Variants in FREM1 observed in about 807,000 individuals in gnomAD.
FREM1 encodes the protein FRAS1-related extracellular matrix protein 1.
In FREM1, 220 loss-of-function variants were observed where a neutral mutation model predicts 210.1. The ratio of observed to expected loss-of-function variants is 1.05; its 90% CI spans 0.94 to 1.17. The LOEUF is 1.17. Ranked by LOEUF, FREM1 falls within the 50% of genes most tolerant of loss-of-function variation. FREM1 has a pLI of 0.00. For synonymous variants in FREM1, 1,189 were observed against 980.2 expected (o/e 1.21, Z -3.98); for missense variants, 3,454 against 2,675.5 (o/e 1.29, Z -6.42).
intron 10 of FREM1, among the ~76,000 whole-genome samples, chr9:14,826,391 C>T (rs1822465972): frequency 6.6e-6 from 1 of 152,132 alleles, no homozygotes; most frequent in African/African-American, 2.4e-5. Context: ...CACCCAGCCA[C>T]CTTTCAACAT....
At chr9:14,788,849 A>G in intron 23 of FREM1, 70 bp downstream of exon 23, 1 of 1,179,098 alleles carries the variant, frequency 8.5e-7, no homozygotes, top group Non-Finnish European at 1.2e-6. Context: ...AGAGAGAAAG[A>G]AACGAATGTG....
At chr9:14,774,278 T>C (rs1848139396) in intron 25 of FREM1, 1 of 429,586 alleles carries the variant, frequency 2.3e-6, no homozygotes. Flanking sequence ...ACATTTTGAG[T>C]AAAGAGATCA....
At chr9:14,874,683 G>C (rs1833358336) in intron 1 of FREM1, among the ~76,000 whole-genome samples, 1 of 152,016 alleles carries the variant, frequency 6.6e-6, no homozygotes, top group Admixed American at 6.5e-5. Flanking sequence ...ACTTAATATT[G>C]TTATATGTGA....
rs182088579 is a variant in FREM1, at chr9:14,821,533, A to G, written c.2337+1627T>C. 3.2e-3 allele frequency among the ~76,000 whole-genome samples: 489 copies of G among 152,344 alleles called. 2 individuals carry two copies. The highest frequency in any genetic ancestry group is 0.011 in the African/African-American group (475 of 41,578). On this transcript the variant is annotated intron_variant, in intron 13 of 36. Coordinates refer to ENST00000380880, the MANE Select transcript of FREM1 (RefSeq NM_001379081.2). ...TCATACATAGAAAAGAATGGTCTGA[A>G]TAAAATCTAATCAAGTTGACTCCAT...
chr9:14,804,467 C>A (rs1179678424), intron 19 of FREM1, among the ~76,000 whole-genome samples: 1 of 152,164 alleles, frequency 6.6e-6, no homozygotes, highest in African/African-American at 2.4e-5. Context: ...CACCTGCAGT[C>A]CCAGCTACTC....
chr9:14,796,618 T>C (rs1852444574), intron 21 of FREM1, among the ~76,000 whole-genome samples: 1 of 152,160 alleles, frequency 6.6e-6, no homozygotes, highest in Non-Finnish European at 1.5e-5. Flanking sequence ...TAGAGATAAT[T>C]GAATCGTGGG....
At chr9:14,830,381 C>A (rs1318245975) in intron 10 of FREM1, among the ~76,000 whole-genome samples, 1 of 152,104 alleles carries the variant, frequency 6.6e-6, no homozygotes, top group African/African-American at 2.4e-5. Flanking sequence ...AAGAGCCCAG[C>A]AATTGATTTG....
chr9:14,832,612 C>CA (rs1306241892), intron 10 of FREM1, among the ~76,000 whole-genome samples: 1 of 152,068 alleles, frequency 6.6e-6, no homozygotes, highest in Non-Finnish European at 1.5e-5. Flanking sequence ...AATGTTCTTC[C>CA]AACCTGGGAA....
chr9:14,790,094 C>A (rs10756612), intron 22 of FREM1, among the ~76,000 whole-genome samples: 19,494 of 152,032 alleles, frequency 0.13, 1,652 homozygotes, highest in East Asian at 0.23. Flanking sequence ...AAGACTTTGC[C>A]CATCTGAACC....
intron 16 of FREM1, among the ~76,000 whole-genome samples, chr9:14,812,308 C>T (rs1453111852): frequency 1.3e-5 from 2 of 152,174 alleles, no homozygotes; most frequent in Admixed American, 6.5e-5. Flanking sequence ...TACATCTAAC[C>T]TGTGTTCACG....
intron 28 of FREM1, among the ~76,000 whole-genome samples, chr9:14,758,254 G>C (rs1024068577): frequency 6.6e-6 from 1 of 152,202 alleles, no homozygotes; most frequent in South Asian, 2.1e-4. Flanking sequence ...TGGCACGTTT[G>C]TTGTGCACTT....
intron 16 of FREM1, among the ~76,000 whole-genome samples, chr9:14,809,879 G>GATGTATGTATGTATGT (rs111568448): frequency 1.3e-5 from 2 of 150,360 alleles, no homozygotes; most frequent in Non-Finnish European, 3.0e-5. Context: ...GAATAGCACA[G>GATGTATGTATGTATGT]ATGTATGTAT....
intron 29 of FREM1, among the ~76,000 whole-genome samples, chr9:14,755,999 T>C (rs1844276176): frequency 6.6e-6 from 1 of 152,198 alleles, no homozygotes; most frequent in South Asian, 2.1e-4. Flanking sequence ...GGAATCCATA[T>C]AAACATAACA....
intron 14 of FREM1, among the ~76,000 whole-genome samples, chr9:14,817,422 A>G (rs10961729): frequency 0.21 from 32,687 of 152,102 alleles, 3,780 homozygotes; most frequent in Middle Eastern, 0.29. Flanking sequence ...CAATCTATAT[A>G]AATTCTTAAA....
At chr9:14,773,258 A>G (rs1419722708) in intron 25 of FREM1, among the ~76,000 whole-genome samples, 2 of 152,180 alleles carry the variant, frequency 1.3e-5, no homozygotes, top group Admixed American at 6.6e-5. Context: ...GACAGAAAAG[A>G]TTTCCTACCA....
intron 5 of FREM1, among the ~76,000 whole-genome samples, chr9:14,853,113 A>G (rs1828070120): frequency 6.6e-6 from 1 of 152,238 alleles, no homozygotes; most frequent in African/African-American, 2.4e-5. Context: ...GAGCAATGCC[A>G]TATCTCCTGT....
At chr9:14,894,756 C>T (rs932107940) in intron 1 of FREM1, among the ~76,000 whole-genome samples, 2 of 152,142 alleles carry the variant, frequency 1.3e-5, no homozygotes, top group Admixed American at 1.3e-4. Flanking sequence ...TTTCTCTCTA[C>T]CTGATTTTGC....
At chr9:14,818,422 T>C (rs1226322599) in intron 14 of FREM1, among the ~76,000 whole-genome samples, 2 of 152,240 alleles carry the variant, frequency 1.3e-5, no homozygotes, top group African/African-American at 2.4e-5. Context: ...TCTGGTCAAC[T>C]TTCTAGTCAA....
At chr9:14,892,381 G>A (rs1588626786) in intron 1 of FREM1, among the ~76,000 whole-genome samples, 1 of 152,166 alleles carries the variant, frequency 6.6e-6, no homozygotes, top group East Asian at 1.9e-4. Flanking sequence ...GCCCAACTAA[G>A]GAGAGTTAGA....
Sources: allele counts gnomAD v4.1 joint callset (sites outside exome capture counted in the v4.1 genomes callset), GRCh38; gene constraint gnomAD v4.1.1; transcripts MANE v1.5; gene names NCBI Gene and HGNC (gene_info 2026-07-23, HGNC 2026-07-21).